The following AGAP1 variants were observed in gnomAD, a reference collection of about 807,000 sequenced individuals.
AGAP1 encodes ArfGAP with GTPase domain, ankyrin repeat and PH domain 1, also known as arf-GAP with GTPase, ANK repeat and PH domain-containing protein 1.
Under a neutral mutation model 105.3 loss-of-function variants are expected in AGAP1, and 29 were observed. The ratio of observed to expected loss-of-function variants is 0.28; its 90% CI spans 0.21 to 0.38. The LOEUF is 0.38. Ranked by LOEUF, AGAP1 falls within the 10% of genes least tolerant of loss-of-function variation. The pLI, the probability that AGAP1 is intolerant of heterozygous loss-of-function variation, is 1.00. For missense variants in AGAP1, 998 were observed against 1,165.1 expected, an observed-to-expected ratio of 0.86 and a Z score of 2.09; for synonymous variants, 509 against 485.9, an observed-to-expected ratio of 1.05 and a Z score of -0.63.
chr2:235,889,981 C>T lies in AGAP1; in HGVS notation c.1155+6532C>T, dbSNP rs927837922. 6.6e-6 allele frequency among the ~76,000 whole-genome samples: 1 copy of T among 152,026 alleles called. No homozygotes were observed. Among genetic ancestry groups the T allele is most frequent in the Non-Finnish European group, 1.5e-5 (1 of 68,018 alleles). The stretch of plus-strand genomic sequence containing the variant: ...AGCTTGGGTTCTGTGAAGTCTTGAC[C>T]CCAGCCATCACCCACAGCCACATCT... On this transcript the variant is annotated intron_variant, in intron 10 of 17. Coordinates refer to ENST00000304032, the MANE Select transcript of AGAP1 (RefSeq NM_001037131.3). This position sits in a 1 kb window ranked among gnomAD's most constrained non-coding sequence, Gnocchi z 4.6.
Position 235,957,376 on chromosome 2 carries a change from T to A in AGAP1, c.1484-11086T>A, listed in dbSNP as rs183737469. On this transcript the variant is annotated intron_variant, in intron 12 of 17. Coordinates refer to ENST00000304032, the MANE Select transcript of AGAP1 (RefSeq NM_001037131.3). This position sits in a 1 kb window ranked among gnomAD's most constrained non-coding sequence, Gnocchi z 4.6. ...TCCTATTGTATTCCTTTCCTCCCCG[T>A]TTTTATAACTCAGTCTAACACTGTG... Among the ~76,000 whole-genome samples, 45 of 152,322 alleles carry A rather than the reference T, an allele frequency of 3.0e-4. No homozygotes were observed. Among genetic ancestry groups the A allele is most frequent in the African/African-American group, 1.0e-3 (43 of 41,562 alleles).
chr2:235,584,252 G>A (rs1319184290), intron 1 of AGAP1, among the ~76,000 whole-genome samples: 1 of 148,890 alleles, frequency 6.7e-6, no homozygotes. Flanking sequence ...GAAAGCCTGT[G>A]TCCTGGCCTG....
chr2:235,782,637 G>A (rs1956338659), intron 6 of AGAP1, among the ~76,000 whole-genome samples: 1 of 152,150 alleles, frequency 6.6e-6, no homozygotes, highest in Admixed American at 6.5e-5. Flanking sequence ...AAAAGCTTAT[G>A]TGTAAACATT....
At chr2:235,567,590 A>G (rs1272921390) in intron 1 of AGAP1, among the ~76,000 whole-genome samples, 2 of 152,092 alleles carry the variant, frequency 1.3e-5, no homozygotes, top group African/African-American at 4.8e-5. Flanking sequence ...GCAGCTGGGG[A>G]GCTGTGAACC....
chr2:235,755,709 G>A (rs568031489), intron 6 of AGAP1, among the ~76,000 whole-genome samples: 1 of 152,300 alleles, frequency 6.6e-6, no homozygotes, highest in South Asian at 2.1e-4. Flanking sequence ...CCAAAGTGCT[G>A]GGATTGCAGG....
chr2:235,968,496 C>T lies in AGAP1; in HGVS notation c.1518C>T (p.Pro506=). ...TGGGTGACTCCGTATGCTCCAGCCC[C>T]AGTATCTCCAGCACCACCAGCCCCA... ...TGLGDSVCSS[P]SISSTTSPKL... The change falls in exon 13 of 18, where the codon CCC becomes CCT. Residue 506 remains proline, a synonymous_variant. Transcript: ENST00000304032. The T allele has an allele frequency of 6.2e-7, 1 of 1,612,048 alleles. No homozygotes were observed. Among genetic ancestry groups the T allele is most frequent in the Non-Finnish European group, 8.5e-7 (1 of 1,179,230 alleles).
intron 11 of AGAP1, among the ~76,000 whole-genome samples, chr2:235,922,157 A>T (rs1298161260): frequency 6.6e-6 from 1 of 152,176 alleles, no homozygotes; most frequent in Non-Finnish European, 1.5e-5. Flanking sequence ...GAGTTTTTAC[A>T]GCATTTGAAG....
intron 9 of AGAP1, among the ~76,000 whole-genome samples, chr2:235,846,200 A>T (rs909281169): frequency 3.9e-5 from 6 of 152,218 alleles, no homozygotes; most frequent in African/African-American, 1.4e-4. Flanking sequence ...CTCAGAAGTT[A>T]CAGAAGATTT....
Position 235,737,211 on chromosome 2 carries a change from C to G in AGAP1, c.311-3752C>G, listed in dbSNP as rs1952305122. Among the ~76,000 whole-genome samples the G allele has an allele frequency of 6.6e-6, 1 of 152,154 alleles. No individual in the cohort carries two copies. Among genetic ancestry groups the G allele is most frequent in the African/African-American group, 2.4e-5 (1 of 41,422 alleles). On this transcript the variant is annotated intron_variant, in intron 3 of 17. Coordinates refer to ENST00000304032, the MANE Select transcript of AGAP1 (RefSeq NM_001037131.3). The surrounding 1 kb of genome is among the most constrained non-coding windows in gnomAD (Gnocchi z 4.5). Reference sequence around the variant, plus strand: ...CCTGGCTGAATTTTATCTTATTATTCACCTTTGAGTTCGTGGCAAATACTT... The same window carrying G: ...CCTGGCTGAATTTTATCTTATTATTGACCTTTGAGTTCGTGGCAAATACTT...
At chr2:235,564,276 CT>C (rs1232832746) in intron 1 of AGAP1, among the ~76,000 whole-genome samples, 2 of 152,096 alleles carry the variant, frequency 1.3e-5, no homozygotes, top group African/African-American at 4.8e-5. Flanking sequence ...AGCCTTGAGC[CT>C]TGCTTTGGAG....
At chr2:235,702,283 C>T (rs553888090) in intron 1 of AGAP1, among the ~76,000 whole-genome samples, 7 of 152,250 alleles carry the variant, frequency 4.6e-5, no homozygotes, top group South Asian at 2.1e-4. Flanking sequence ...ACCTGCCAGA[C>T]GATGGCTGTC....
chr2:235,797,912 GA>G, intron 7 of AGAP1, 26 bp downstream of exon 7: 1 of 1,613,462 alleles, frequency 6.2e-7, no homozygotes, highest in Non-Finnish European at 8.5e-7. Context: ...TGAGAAGTCA[GA>G]CTCTTAGAAC....
rs1379083585 is a variant in AGAP1 at position 235,865,299 on chromosome 2, G to A, written c.1051-18046G>A. On this transcript the variant is annotated intron_variant, in intron 9 of 17. Coordinates refer to ENST00000304032, the MANE Select transcript of AGAP1 (RefSeq NM_001037131.3). This position sits in a 1 kb window ranked among gnomAD's most constrained non-coding sequence, Gnocchi z 6.2. ...GCTGTGCGATTTTCTCAGCAGTGAG[G>A]TAGGAATAGACGCGGCTAATGACAG... Among the ~76,000 whole-genome samples, 1 of 152,106 alleles carries A rather than the reference G, an allele frequency of 6.6e-6. No homozygotes were observed. The highest frequency in any genetic ancestry group is 1.5e-5 in the Non-Finnish European group (1 of 68,008).
At chr2:235,850,411 A>C (rs920722489) in intron 9 of AGAP1, among the ~76,000 whole-genome samples, 1 of 152,184 alleles carries the variant, frequency 6.6e-6, no homozygotes, top group African/African-American at 2.4e-5. Context: ...GCAGTGCCTG[A>C]TGTGGTCTCC....
At chr2:236,068,757 G>A (rs1164587052) in intron 16 of AGAP1, among the ~76,000 whole-genome samples, 5 of 136,976 alleles carry the variant, frequency 3.7e-5, no homozygotes, top group African/African-American at 1.1e-4. Context: ...CCAAGATCGC[G>A]CCACTGCACT....
chr2:235,893,838 C>T lies in AGAP1; in HGVS notation c.1155+10389C>T, dbSNP rs1473294429. On this transcript the variant is annotated intron_variant, in intron 10 of 17. Transcript: ENST00000304032. The surrounding 1 kb of genome is among the most constrained non-coding windows in gnomAD (Gnocchi z 4.7). ...GTGTGACTCCTTCAGCATCTTTGCT[C>T]CTGAACTTCCTGGACTCCAGCCCTC... Among the ~76,000 whole-genome samples, 1 of 152,122 alleles carries T rather than the reference C, an allele frequency of 6.6e-6. No individual in the cohort carries two copies. The highest frequency in any genetic ancestry group is 1.5e-5 in the Non-Finnish European group (1 of 68,026).
At chr2:235,966,627 T>C (rs1408809159) in intron 12 of AGAP1, among the ~76,000 whole-genome samples, 1 of 152,092 alleles carries the variant, frequency 6.6e-6, no homozygotes, top group Non-Finnish European at 1.5e-5. Flanking sequence ...CTTTTGTGAG[T>C]GAGTGACCAC....
chr2:235,586,048 G>C lies in AGAP1; in HGVS notation c.163+91199G>C, dbSNP rs1574906399. On this transcript the variant is annotated intron_variant, in intron 1 of 17. Transcript: ENST00000304032. The surrounding 1 kb of genome is among the most constrained non-coding windows in gnomAD (Gnocchi z 4.2). ...ACAGACTTGGTGTTGGGCTTGAGTG[G>C]GAAGGGGATTTAGGAGCTTCATGAG... 6.6e-6 allele frequency among the ~76,000 whole-genome samples: 1 copy of C among 152,232 alleles called. No individual in the cohort carries two copies. Among genetic ancestry groups the C allele is most frequent in the East Asian group, 1.9e-4 (1 of 5,172 alleles).
intron 9 of AGAP1, among the ~76,000 whole-genome samples, chr2:235,858,919 A>G (rs889386281): frequency 6.6e-6 from 1 of 152,212 alleles, no homozygotes; most frequent in African/African-American, 2.4e-5. Context: ...ATTAGTTTTC[A>G]TCTAAAATTC....
Sources: allele counts gnomAD v4.1 joint callset (sites outside exome capture counted in the v4.1 genomes callset), GRCh38; gene constraint gnomAD v4.1.1; non-coding constraint Gnocchi (gnomAD v3.1); transcripts MANE v1.5; gene names NCBI Gene and HGNC (gene_info 2026-07-23, HGNC 2026-07-21).